Variants in ACKR2 observed in about 807,000 individuals in gnomAD.
The protein encoded by ACKR2 is atypical chemokine receptor 2.
For synonymous variants in ACKR2, 207 were observed against 192.2 expected (o/e 1.08, Z -0.64); for missense variants, 457 against 477.3 (o/e 0.96, Z 0.40).
chr3:42,812,660 G>A (rs1184379793), intron 1 of ACKR2, among the ~76,000 whole-genome samples: 1 of 135,356 alleles, frequency 7.4e-6, no homozygotes, highest in Admixed American at 7.5e-5. Flanking sequence ...TTTAATAAAA[G>A]TGGTTGGGCA....
chr3:42,851,533 C>T (rs1395043563), intron 2 of ACKR2: 5 of 694,012 alleles, frequency 7.2e-6, no homozygotes, highest in Non-Finnish European at 8.9e-6. Context: ...AACCCAGTGG[C>T]TTGGGGAGTG....
intron 2 of ACKR2, among the ~76,000 whole-genome samples, chr3:42,845,136 A>AT (rs1575385767): frequency 6.6e-6 from 1 of 152,226 alleles, no homozygotes; most frequent in South Asian, 2.1e-4. Flanking sequence ...GACCGTGGCC[A>AT]TAAGACAGGG....
chr3:42,856,125 G>C (rs1479448085), intron 2 of ACKR2: 1 of 450,514 alleles, frequency 2.2e-6, no homozygotes, highest in African/African-American at 2.0e-5. Flanking sequence ...TTGAAGGCCA[G>C]GAGGCCCCTG....
At chr3:42,830,615 A>G (rs934600037) in intron 2 of ACKR2, among the ~76,000 whole-genome samples, 1 of 152,084 alleles carries the variant, frequency 6.6e-6, no homozygotes, top group African/African-American at 2.4e-5. Flanking sequence ...GAAATCCTGT[A>G]ATGTGTTTCT....
At position 42,865,100 on chromosome 3, in the gene ACKR2, G is replaced by A. The variant is rs140255308; in HGVS notation, c.598G>A (p.Gly200Ser). The change falls in exon 3 of 3, where the codon GGC becomes AGC. Residue 200 changes from glycine to serine, a missense_variant. Coordinates refer to ENST00000422265, the MANE Select transcript of ACKR2 (RefSeq NM_001296.5). ...KGVWNCHADF[G>S]GHGTIWKLFL... is the part of the protein sequence containing the mutation. The stretch of plus-strand genomic sequence containing the variant: ...TGTGTGGAACTGCCACGCAGATTTC[G>A]GCGGGCATGGGACCATTTGGAAGCT... 13 of 1,613,974 alleles carry A rather than the reference G, an allele frequency of 8.1e-6. No homozygotes were observed. The highest frequency in any genetic ancestry group is 1.3e-5 in the African/African-American group (1 of 74,994).
At chr3:42,858,723 C>T (rs2088349576) in intron 2 of ACKR2, among the ~76,000 whole-genome samples, 1 of 151,882 alleles carries the variant, frequency 6.6e-6, no homozygotes, top group African/African-American at 2.4e-5. Flanking sequence ...ATAACAAACT[C>T]CTCTGAGCTA....
chr3:42,845,028 T>A (rs748187344), intron 2 of ACKR2, among the ~76,000 whole-genome samples: 1 of 152,116 alleles, frequency 6.6e-6, no homozygotes, highest in South Asian at 2.1e-4. Context: ...ATTTGATTGC[T>A]TCAGGCTAGG....
At chr3:42,835,520 A>T (rs1700979902) in intron 2 of ACKR2, 2 of 151,036 alleles carry the variant, frequency 1.3e-5, no homozygotes. Context: ...CTTGAGTCTC[A>T]CTCTCCTGAG....
At chr3:42,836,848 G>T (rs914482355) in intron 2 of ACKR2, among the ~76,000 whole-genome samples, 1 of 152,144 alleles carries the variant, frequency 6.6e-6, no homozygotes, top group African/African-American at 2.4e-5. Flanking sequence ...GGCTAATACT[G>T]ACTGCTGGAC....
At chr3:42,820,146 C>T (rs1700794982) in intron 2 of ACKR2, among the ~76,000 whole-genome samples, 1 of 152,112 alleles carries the variant, frequency 6.6e-6, no homozygotes, top group Non-Finnish European at 1.5e-5. Context: ...ATCCAAATCA[C>T]AGTAAGAACA....
At chr3:42,832,453 C>T (rs1404034067) in intron 2 of ACKR2, among the ~76,000 whole-genome samples, 23 of 151,760 alleles carry the variant, frequency 1.5e-4, no homozygotes, top group Admixed American at 1.5e-3. Flanking sequence ...TGCGCCACTG[C>T]ACTCCAGCCT....
At chr3:42,815,120 G>T (rs1357654322) in intron 1 of ACKR2, among the ~76,000 whole-genome samples, 1 of 152,188 alleles carries the variant, frequency 6.6e-6, no homozygotes, top group Non-Finnish European at 1.5e-5. Flanking sequence ...GTTCTATTAG[G>T]TGCCGCCTGA....
chr3:42,858,583 G>T (rs887909050), intron 2 of ACKR2, among the ~76,000 whole-genome samples: 1 of 151,984 alleles, frequency 6.6e-6, no homozygotes, highest in African/African-American at 2.4e-5. Flanking sequence ...AGTGCAAAAA[G>T]GCTGAAAATT....
intron 2 of ACKR2, among the ~76,000 whole-genome samples, chr3:42,821,987 C>T (rs556623005): frequency 2.0e-5 from 3 of 152,130 alleles, no homozygotes; most frequent in South Asian, 2.1e-4. Flanking sequence ...TGAGCCACCA[C>T]GCCCAGCCAG....
In ACKR2 at chr3:42,848,598, CA is replaced by C. The variant is rs200805104; in HGVS notation, c.-37-15867del. The stretch of plus-strand genomic sequence containing the variant: ...ATATATGATGGAAATAGAATATCAC[CA>C]TTTGGAAAAAACCACAGTAATAATT... On this transcript the variant is annotated intron_variant, in intron 2 of 2. Transcript: ENST00000422265. Among the ~76,000 whole-genome samples the C allele has an allele frequency of 1.8e-3, 272 of 152,102 alleles. 8 individuals carry two copies. In the East Asian group the frequency reaches 0.046, roughly 26 times the overall value.
At chr3:42,863,093 T>C (rs2088401077) in intron 2 of ACKR2, among the ~76,000 whole-genome samples, 2 of 152,162 alleles carry the variant, frequency 1.3e-5, no homozygotes, top group Non-Finnish European at 2.9e-5. Context: ...GGGAGAAATT[T>C]TTGCAATCTA....
chr3:42,849,861 T>C (rs1268332669), intron 2 of ACKR2, among the ~76,000 whole-genome samples: 1 of 152,202 alleles, frequency 6.6e-6, no homozygotes, highest in East Asian at 1.9e-4. Flanking sequence ...GTAAGTTTTA[T>C]ATATTAAATG....
At position 42,866,366 on chromosome 3, in the gene ACKR2, G is replaced by C. The variant is rs2088436181; in HGVS notation, c.*709G>C. On this transcript the variant is annotated 3_prime_UTR_variant, in exon 3 of 3. Coordinates refer to ENST00000422265, the MANE Select transcript of ACKR2 (RefSeq NM_001296.5). Reference sequence around the variant, plus strand: ...TAATTTTTATAATTTTAGTAGAGATGGGGTTTCACTGCGTTGGCCAGGATG... The same window carrying C: ...TAATTTTTATAATTTTAGTAGAGATCGGGTTTCACTGCGTTGGCCAGGATG... The C allele has an allele frequency of 6.6e-6, 1 of 152,486 alleles. No individual in the cohort carries two copies. Among genetic ancestry groups the C allele is most frequent in the Non-Finnish European group, 1.5e-5 (1 of 68,030 alleles). 9.4% of individuals were successfully genotyped at this position (152,486 alleles called of 1,614,324 possible). A position where few individuals can be genotyped will look rare whatever the true frequency, so the allele number is the denominator to read the frequency against.
At position 42,865,561 on chromosome 3, in the gene ACKR2, T is replaced by C. The variant is rs1240474093; in HGVS notation, c.1059T>C (p.Leu353=). 2 of 1,614,152 alleles carry C rather than the reference T, an allele frequency of 1.2e-6. No individual in the cohort carries two copies. The highest frequency in any genetic ancestry group is 1.7e-6 in the Non-Finnish European group (2 of 1,180,024). Residue 353 remains leucine (L), a synonymous_variant, in exon 3 of 3, where the codon CTT becomes CTC. Transcript: ENST00000422265. ...SLSSCSESSI[L]TAQEEMTGMN... ...CCAGCTGTTCTGAGAGCAGCATACT[T>C]ACTGCCCAAGAGGAAATGACTGGCA...
Sources: gnomAD v4.1 joint callset for allele counts (sites outside exome capture counted in the v4.1 genomes callset) on GRCh38, gnomAD v4.1.1 for gene constraint, MANE v1.5 for transcripts, NCBI Gene and HGNC (gene_info 2026-07-23, HGNC 2026-07-21) for gene names.